Variants in CHODL observed in about 807,000 individuals in gnomAD.
CHODL encodes the protein transmembrane protein MT75.
CHODL carries 29 observed loss-of-function variants against 34.5 expected under a neutral mutation model. The observed-to-expected ratio is 0.84, with a 90% CI of 0.63 to 1.15. The LOEUF (loss-of-function observed/expected upper bound fraction) is 1.15. Among genes scored for constraint, CHODL ranks in the 50% most tolerant of loss-of-function variants. The probability of loss-of-function intolerance (pLI) is 0.00; values close to 1 mark genes in which losing one functional copy is unlikely to be tolerated. For synonymous variants in CHODL, 125 were observed against 116.1 expected, an observed-to-expected ratio of 1.08 and a Z score of -0.49; for missense variants, 332 against 332.5, an observed-to-expected ratio of 1.00 and a Z score of 0.01.
chr21:18,128,784 C>T (rs1224155570), intron 2 of CHODL, among the ~76,000 whole-genome samples: 9 of 151,940 alleles, frequency 5.9e-5, no homozygotes, highest in Non-Finnish European at 1.0e-4. Context: ...ATCTCTTATA[C>T]GTGTGTCTAC....
chr21:18,215,133 T>G (rs2073811717), intron 2 of CHODL, among the ~76,000 whole-genome samples: 1 of 152,058 alleles, frequency 6.6e-6, no homozygotes, highest in Non-Finnish European at 1.5e-5. Flanking sequence ...GTCTCCCAGT[T>G]TGAACTCACT....
intron 1 of CHODL, among the ~76,000 whole-genome samples, chr21:18,003,458 C>T (rs187463324): frequency 1.3e-5 from 2 of 151,042 alleles, no homozygotes; most frequent in African/African-American, 2.4e-5. Flanking sequence ...AAAACCAATA[C>T]TGACTGATTG....
At chr21:18,004,985 G>A (rs144443682) in intron 1 of CHODL, among the ~76,000 whole-genome samples, 1 of 152,282 alleles carries the variant, frequency 6.6e-6, no homozygotes, top group African/African-American at 2.4e-5. Flanking sequence ...CAAATACTAT[G>A]CTGAATGTAG....
rs113556411 is a variant in CHODL at position 18,042,740 on chromosome 21, C to T, written c.-45+14769C>T. ...ATATTTTAAGAGAGAAATTCTCTTG[C>T]GCAGAAGGTGAAATAATAGAGATAC... On this transcript the variant is annotated intron_variant, in intron 2 of 6. Transcript: ENST00000400127. Among the ~76,000 whole-genome samples the T allele has an allele frequency of 3.7e-3, 560 of 151,942 alleles. 13 individuals carry two copies. The highest frequency in any genetic ancestry group is 0.029 in the Admixed American group (434 of 15,220).
chr21:18,025,637 A>T, intron 1 of CHODL, among the ~76,000 whole-genome samples: 1 of 152,064 alleles, frequency 6.6e-6, no homozygotes, highest in Admixed American at 6.6e-5. Context: ...GGCATATTAG[A>T]TTGCTAGGGC....
intron 2 of CHODL, among the ~76,000 whole-genome samples, chr21:18,090,981 C>G (rs1228327771): frequency 1.3e-5 from 2 of 152,342 alleles, no homozygotes; most frequent in East Asian, 1.9e-4. Context: ...CAGAAACCAC[C>G]ACTTCTCCAT....
intron 1 of CHODL, among the ~76,000 whole-genome samples, chr21:17,919,844 C>T (rs1163154460): frequency 1.3e-5 from 2 of 152,176 alleles, no homozygotes; most frequent in African/African-American, 2.4e-5. Context: ...GAATGCTTTG[C>T]TGCTTATAAA....
chr21:18,216,904 AGGTTCCTCCCATGACACGTGGAG>A (rs1175554059), intron 2 of CHODL, among the ~76,000 whole-genome samples: 2 of 152,144 alleles, frequency 1.3e-5, no homozygotes, highest in African/African-American at 4.8e-5. Flanking sequence ...ACCTCCCAAC[AGGTTCCTCCCATGACACGTGGAG>A]ATTACAATTC....
chr21:18,211,383 T>C (rs1601153531), intron 2 of CHODL, among the ~76,000 whole-genome samples: 1 of 152,312 alleles, frequency 6.6e-6, no homozygotes, highest in African/African-American at 2.4e-5. Flanking sequence ...ACTCAATAAC[T>C]ATTGAATGAA....
intron 1 of CHODL, among the ~76,000 whole-genome samples, chr21:17,929,685 C>T (rs964738970): frequency 2.0e-5 from 3 of 152,294 alleles, no homozygotes; most frequent in East Asian, 1.9e-4. Context: ...CTGAACCCCC[C>T]GGGGCCTCCA....
At chr21:18,101,632 A>G (rs2065214776) in intron 2 of CHODL, among the ~76,000 whole-genome samples, 1 of 152,186 alleles carries the variant, frequency 6.6e-6, no homozygotes, top group African/African-American at 2.4e-5. Context: ...AATTGAAAAT[A>G]TGACAATACT....
chr21:17,927,144 ATATATGTATATATATG>A (rs150347074), intron 1 of CHODL, among the ~76,000 whole-genome samples: 45,172 of 135,942 alleles, frequency 0.33, 8,218 homozygotes, highest in South Asian at 0.49. Flanking sequence ...GTATATATGT[ATATATGTATATATATG>A]TATATATGTA....
At chr21:17,997,533 C>G (rs951218683) in intron 1 of CHODL, among the ~76,000 whole-genome samples, 12 of 152,080 alleles carry the variant, frequency 7.9e-5, no homozygotes, top group Admixed American at 2.0e-4. Context: ...TGTATTAGTT[C>G]ATTTTCATGC....
intron 2 of CHODL, among the ~76,000 whole-genome samples, chr21:18,100,520 A>G (rs570060322): frequency 6.6e-6 from 1 of 152,170 alleles, no homozygotes; most frequent in African/African-American, 2.4e-5. Context: ...TCCATATGCA[A>G]TTCCTAATGT....
chr21:18,242,572 G>A (rs527759855), upstream of CHODL, among the ~76,000 whole-genome samples: 15 of 151,396 alleles, frequency 9.9e-5, 3 homozygotes, highest in African/African-American at 3.2e-4. Context: ...TTGAAGTGAC[G>A]GAGACACAAA....
At chr21:18,077,497 A>C (rs2064880536) in intron 2 of CHODL, among the ~76,000 whole-genome samples, 1 of 152,158 alleles carries the variant, frequency 6.6e-6, no homozygotes, top group African/African-American at 2.4e-5. Context: ...TATGGTCCAA[A>C]TGTTTGTGTC....
At chr21:18,127,642 T>C (rs2072588701) in intron 2 of CHODL, among the ~76,000 whole-genome samples, 1 of 151,036 alleles carries the variant, frequency 6.6e-6, no homozygotes. Context: ...ATAAATCTTT[T>C]GTGGTTACAT....
intron 2 of CHODL, among the ~76,000 whole-genome samples, chr21:18,140,002 T>C (rs2072782308): frequency 6.6e-6 from 1 of 152,180 alleles, no homozygotes; most frequent in African/African-American, 2.4e-5. Flanking sequence ...CACTTCCTGT[T>C]CCTTATCTTA....
intron 1 of CHODL, among the ~76,000 whole-genome samples, chr21:17,998,364 C>G (rs1049545553): frequency 6.6e-6 from 1 of 152,120 alleles, no homozygotes; most frequent in Non-Finnish European, 1.5e-5. Context: ...TGTGGCTTTT[C>G]CAGGTGTATG....
Sources: gnomAD v4.1 joint callset for allele counts (sites outside exome capture counted in the v4.1 genomes callset) on GRCh38, gnomAD v4.1.1 for gene constraint, MANE v1.5 for transcripts, NCBI Gene and HGNC (gene_info 2026-07-23, HGNC 2026-07-21) for gene names.